ADNP: variants seen among roughly 807,000 people sequenced by gnomAD.
ADNP encodes activity-dependent neuroprotector homeobox protein.
Under a neutral mutation model 84.9 loss-of-function variants are expected in ADNP, and 4 were observed. That is an observed-to-expected ratio of 0.05 (90% CI 0.02 to 0.11). The LOEUF (loss-of-function observed/expected upper bound fraction) is 0.11, where lower values mean the gene tolerates loss of function less well. ADNP is among the 10% of genes least tolerant of loss of function. The pLI is 1.00. For missense variants in ADNP, 1,132 were observed against 1,326.0 expected, an observed-to-expected ratio of 0.85 and a Z score of 2.27; for synonymous variants, 554 against 468.1, an observed-to-expected ratio of 1.18 and a Z score of -2.37.
In ADNP at chr20:50,893,524, G is replaced by C. The variant is rs757004037; in HGVS notation, c.1190C>G (p.Ala397Gly). The change falls in exon 6 of 6, where the codon GCT (alanine) becomes GGT (glycine). Residue 397 changes from alanine (A) to glycine (G), a missense_variant. Coordinates refer to ENST00000621696, the MANE Select transcript of ADNP (RefSeq NM_001282531.3). The surrounding 1 kb of genome is among the most constrained non-coding windows in gnomAD (Gnocchi z 4.4). ...GCCCGATGAGAGAGAAGAGGCATTA[G>C]CAGACTGCAGGGAGTATCTTGCTGG... ...QAPARYSLQS[A>G]NASSLSSGQL... 6.2e-7 allele frequency: 1 copy of C among 1,613,822 alleles called. No individual in the cohort carries two copies. The highest frequency in any genetic ancestry group is 8.5e-7 in the Non-Finnish European group (1 of 1,180,034).
chr20:50,918,129 T>C (rs1454686837), intron 2 of ADNP, among the ~76,000 whole-genome samples: 3 of 152,178 alleles, frequency 2.0e-5, no homozygotes, highest in Non-Finnish European at 4.4e-5. Context: ...ATGGTAAAGT[T>C]TATGTATACT....
intron 2 of ADNP, among the ~76,000 whole-genome samples, chr20:50,924,325 C>CT (rs1568745774): frequency 6.6e-6 from 1 of 152,232 alleles, no homozygotes; most frequent in African/African-American, 2.4e-5. Flanking sequence ...ACTCTCCCTG[C>CT]TGGGGGTGTG....
intron 2 of ADNP, among the ~76,000 whole-genome samples, chr20:50,922,514 C>G (rs955934752): frequency 6.6e-6 from 1 of 151,160 alleles, no homozygotes; most frequent in Non-Finnish European, 1.5e-5. Context: ...CATACCCTCT[C>G]TGGGGGCGCC....
intron 2 of ADNP, among the ~76,000 whole-genome samples, chr20:50,918,389 T>C (rs16995618): frequency 0.025 from 3,878 of 152,280 alleles, 88 homozygotes; most frequent in African/African-American, 0.064. Flanking sequence ...ACACAGCATT[T>C]TGAAGGTCTA....
chr20:50,889,751 G>T lies in ADNP; in HGVS notation c.*1654C>A, dbSNP rs1198216634. On this transcript the variant is annotated 3_prime_UTR_variant, in exon 6 of 6. Transcript: ENST00000621696. ...AATGTTGGCCTAATTCTGCTTCCTT[G>T]TAACTTTCTGCTTTTTAGTACAAGT... The T allele has an allele frequency of 1.3e-5, 5 of 396,236 alleles. No individual in the cohort carries two copies. Among genetic ancestry groups the T allele is most frequent in the African/African-American group, 8.2e-5 (4 of 48,540 alleles). The allele number at this position is 396,236 out of a possible 1,614,324, so 24.5% of individuals were successfully genotyped here. A position where few individuals can be genotyped will look rare whatever the true frequency, so the allele number is the denominator to read the frequency against.
chr20:50,917,874 T>C (rs776081222), intron 2 of ADNP, among the ~76,000 whole-genome samples: 1 of 152,092 alleles, frequency 6.6e-6, no homozygotes, highest in Non-Finnish European at 1.5e-5. Flanking sequence ...GATTGAACCA[T>C]GAAAAAGAAT....
intron 2 of ADNP, among the ~76,000 whole-genome samples, chr20:50,924,625 A>G (rs993692570): frequency 2.6e-5 from 4 of 152,204 alleles, no homozygotes; most frequent in African/African-American, 9.6e-5. Flanking sequence ...GGAAAATAAA[A>G]CAGACAAGCC....
intron 2 of ADNP, among the ~76,000 whole-genome samples, chr20:50,928,078 C>G (rs1292735480): frequency 1.3e-5 from 2 of 152,180 alleles, no homozygotes; most frequent in Non-Finnish European, 2.9e-5. Context: ...AGTCAAATAC[C>G]TGTACCAAAG....
At chr20:50,928,285 GCAAGAA>G (rs1984418286) in intron 2 of ADNP, among the ~76,000 whole-genome samples, 1 of 152,148 alleles carries the variant, frequency 6.6e-6, no homozygotes, top group African/African-American at 2.4e-5. Flanking sequence ...ATCTTTGGTA[GCAAGAA>G]CAAGTTCATG....
intron 5 of ADNP, among the ~76,000 whole-genome samples, chr20:50,894,723 C>G (rs372824236): frequency 1.3e-4 from 20 of 152,080 alleles, no homozygotes; most frequent in African/African-American, 4.3e-4. Flanking sequence ...GGTGAAACCC[C>G]ATCTCAACTA....
At chr20:50,912,614 G>A (rs1459624237) in intron 2 of ADNP, among the ~76,000 whole-genome samples, 2 of 152,300 alleles carry the variant, frequency 1.3e-5, no homozygotes, top group African/African-American at 4.8e-5. Context: ...AGCCCATGAC[G>A]CAAATTTATG....
intron 2 of ADNP, among the ~76,000 whole-genome samples, chr20:50,917,868 G>T (rs1374133804): frequency 6.6e-6 from 1 of 152,134 alleles, no homozygotes; most frequent in African/African-American, 2.4e-5. Context: ...GGATATGATT[G>T]AACCATGAAA....
intron 2 of ADNP, among the ~76,000 whole-genome samples, chr20:50,919,969 C>T (rs1983831401): frequency 6.6e-6 from 1 of 152,040 alleles, no homozygotes; most frequent in Non-Finnish European, 1.5e-5. Context: ...GGACATGATT[C>T]TAATGGCACT....
intron 4 of ADNP, among the ~76,000 whole-genome samples, 158 bp from the exon 5 acceptor site, chr20:50,902,267 A>ATTT (rs1198217351): frequency 1.3e-5 from 2 of 152,334 alleles, no homozygotes; most frequent in Non-Finnish European, 2.9e-5. Flanking sequence ...TTAAATATAA[A>ATTT]AAGGCATATG....
intron 2 of ADNP, among the ~76,000 whole-genome samples, chr20:50,916,332 T>C (rs1434714387): frequency 6.6e-6 from 1 of 152,218 alleles, no homozygotes; most frequent in Non-Finnish European, 1.5e-5. Flanking sequence ...AGGCAGCTCA[T>C]TCCACACTGG....
intron 2 of ADNP, among the ~76,000 whole-genome samples, chr20:50,923,654 A>C (rs1200478581): frequency 6.6e-6 from 1 of 152,148 alleles, no homozygotes. Context: ...AGTAGCTGAG[A>C]CTACATGTGA....
chr20:50,906,956 G>A (rs934345520), intron 2 of ADNP, among the ~76,000 whole-genome samples: 1 of 143,680 alleles, frequency 7.0e-6, no homozygotes, highest in Non-Finnish European at 1.5e-5. Flanking sequence ...TTTGAGACAG[G>A]GTTCCAGTTT....
At chr20:50,896,184 C>T (rs1981370141) in intron 5 of ADNP, among the ~76,000 whole-genome samples, 2 of 152,170 alleles carry the variant, frequency 1.3e-5, no homozygotes, top group Admixed American at 1.3e-4. Flanking sequence ...AAGATCACAG[C>T]ACAGCACTCT....
intron 2 of ADNP, among the ~76,000 whole-genome samples, chr20:50,911,026 T>C (rs1982976199): frequency 6.6e-6 from 1 of 152,194 alleles, no homozygotes; most frequent in Admixed American, 6.5e-5. Flanking sequence ...TTGCAAATTA[T>C]ACCCACATCT....
Sources: gnomAD v4.1 joint callset for allele counts (sites outside exome capture counted in the v4.1 genomes callset) on GRCh38, gnomAD v4.1.1 for gene constraint, Gnocchi (gnomAD v3.1) non-coding constraint, MANE v1.5 for transcripts, NCBI Gene and HGNC (gene_info 2026-07-23, HGNC 2026-07-21) for gene names.